PPM1M: variants seen among roughly 807,000 people sequenced by gnomAD.
The protein encoded by PPM1M is protein phosphatase, Mg2+/Mn2+ dependent 1M, also known as protein phosphatase 1M.
A neutral mutation model predicts 50.8 loss-of-function variants in PPM1M; 44 were observed. That is an observed-to-expected ratio of 0.87 (90% CI 0.68 to 1.11). PPM1M has a LOEUF of 1.11. Ranked by LOEUF, PPM1M falls within the 50% of genes most tolerant of loss-of-function variation. The pLI is 0.00. For synonymous variants in PPM1M, 224 were observed against 242.9 expected (o/e 0.92, Z 0.72); for missense variants, 556 against 593.4 (o/e 0.94, Z 0.66).
intron 2 of PPM1M, 52 bp from the exon 3 acceptor site, chr3:52,246,922 G>C (rs1699867042): frequency 3.3e-6 from 5 of 1,521,624 alleles, no homozygotes; most frequent in Non-Finnish European, 4.4e-6. Context: ...GTTGCGTCAG[G>C]GGACAAGTGG....
rs2107315473 is a variant in PPM1M, at chr3:52,246,808, A to G, written c.338A>G (p.Glu113Gly). 1 of 1,412,576 alleles carries G rather than the reference A, an allele frequency of 7.1e-7. No homozygotes were observed. The highest frequency in any genetic ancestry group is 1.4e-5 in the African/African-American group (1 of 69,862). 87.5% of individuals were successfully genotyped at this position (1,412,576 alleles called of 1,614,324 possible). A position where few individuals can be genotyped will look rare whatever the true frequency, so the allele number is the denominator to read the frequency against. ...AEEEWLTLCP[E>G]EFLTGHYWAL... ...GAAGAGTGGCTGACCCTGTGCCCAG[A>G]GGAGGTGAGTGCAGTCTGAGTTCTT... The change falls in exon 2 of 10, where the codon GAG becomes GGG. Residue 113 changes from glutamate (E) to glycine (G), a missense_variant. Glu to Gly is a moderately conservative substitution (Grantham distance 98, BLOSUM62 -2). Coordinates refer to ENST00000323588, the MANE Select transcript of PPM1M (RefSeq NM_144641.4).
chr3:52,247,953 C>T lies in PPM1M; in HGVS notation c.710+159C>T, dbSNP rs141985846. On this transcript the variant is annotated intron_variant, in intron 4 of 9. Coordinates refer to ENST00000323588, the MANE Select transcript of PPM1M (RefSeq NM_144641.4). ...TGTGTCGAGTGTGGACAGTGGCTGC[C>T]GGGGAGGGCAGGGACCTCAAAGGCC... Among the ~76,000 whole-genome samples the T allele has an allele frequency of 3.9e-3, 593 of 152,200 alleles. 4 individuals are homozygous for T. Among genetic ancestry groups the T allele is most frequent in the South Asian group, 0.022 (108 of 4,818 alleles).
intron 1 of PPM1M, 124 bp downstream of exon 1, chr3:52,246,172 T>G (rs1050270153): frequency 1.4e-5 from 14 of 1,019,752 alleles, no homozygotes; most frequent in Non-Finnish European, 1.6e-5. Context: ...AGCCCCTTCT[T>G]GCCCTCACCT....
Position 52,248,256 on chromosome 3 carries a change from A to G in PPM1M, c.795+19A>G. The G allele has an allele frequency of 6.2e-7, 1 of 1,611,340 alleles. No individual in the cohort carries two copies. The highest frequency in any genetic ancestry group is 1.1e-5 in the South Asian group (1 of 90,578). ...GCAGCTGGTAGGTGCCCTTGGCAGC[A>G]TGGAGGCTGTGAAGCTCCAACTCCT... On this transcript the variant is annotated intron_variant, in intron 5 of 9. Transcript: ENST00000323588.
At position 52,246,817 on chromosome 3, in the gene PPM1M, G is replaced by C; in HGVS notation, c.342+5G>C. On this transcript the variant is annotated splice_donor_5th_base_variant and intron_variant, in intron 2 of 9. Transcript: ENST00000323588. ...CTGACCCTGTGCCCAGAGGAGGTGA[G>C]TGCAGTCTGAGTTCTTGGCTGGAAT... 1 of 1,427,690 alleles carries C rather than the reference G, an allele frequency of 7.0e-7. No homozygotes were observed. 88.4% of individuals were successfully genotyped at this position (1,427,690 alleles called of 1,614,324 possible). A position where few individuals can be genotyped will look rare whatever the true frequency, so the allele number is the denominator to read the frequency against.
Position 52,249,565 on chromosome 3 carries a change from A to G in PPM1M, c.1236-105A>G, listed in dbSNP as rs1025311489. 5 of 1,523,368 alleles carry G rather than the reference A, an allele frequency of 3.3e-6. 1 individual carries two copies. The South Asian group carries it at 6.1e-5, about 18-fold the overall frequency. 94.4% of individuals were successfully genotyped at this position (1,523,368 alleles called of 1,614,324 possible). A position where few individuals can be genotyped will look rare whatever the true frequency, so the allele number is the denominator to read the frequency against. On this transcript the variant is annotated intron_variant, in intron 9 of 9. Coordinates refer to ENST00000323588, the MANE Select transcript of PPM1M (RefSeq NM_144641.4). ...CTTGCTTGGTCCACAGTCGGACTGC[A>G]TTGCTTGGGTCCCCATGTCCAGCCT... is the stretch of plus-strand genomic sequence containing the variant.
intron 3 of PPM1M, 135 bp downstream of exon 3, chr3:52,247,363 G>GGTTGGTTGGA: frequency 7.9e-7 from 1 of 1,273,452 alleles, no homozygotes; most frequent in Non-Finnish European, 1.1e-6. Context: ...TGGTTGGATT[G>GGTTGGTTGGA]TTACTAACAG....
chr3:52,245,821 C>G lies in PPM1M; in HGVS notation c.-4C>G, dbSNP rs1409177669. 1.9e-6 allele frequency: 2 copies of G among 1,032,136 alleles called. No individual in the cohort carries two copies. Among genetic ancestry groups the G allele is most frequent in the Admixed American group, 5.4e-5 (1 of 18,680 alleles). 63.9% of individuals were successfully genotyped at this position (1,032,136 alleles called of 1,614,324 possible). A position where few individuals can be genotyped will look rare whatever the true frequency, so the allele number is the denominator to read the frequency against. On this transcript the variant is annotated 5_prime_UTR_variant, in exon 1 of 10. Coordinates refer to ENST00000323588, the MANE Select transcript of PPM1M (RefSeq NM_144641.4). This position sits in a 1 kb window ranked among gnomAD's most constrained non-coding sequence, Gnocchi z 4.8. ...CTCCGCGGGCAGCCCCCTGCCGCCG[C>G]GCCATGTCCGCCGGCTGGTTCCGGC... is the stretch of plus-strand genomic sequence containing the variant.
rs538464980 is a variant in PPM1M at position 52,249,507 on chromosome 3, A to G, written c.1236-163A>G. The G allele has an allele frequency of 1.1e-4, 143 of 1,267,074 alleles. No individual in the cohort carries two copies. In the African/African-American group the frequency reaches 1.8e-3, roughly 16 times the overall value. The allele number at this position is 1,267,074 out of a possible 1,614,324, so 78.5% of individuals were successfully genotyped here. On this transcript the variant is annotated intron_variant, in intron 9 of 9. Coordinates refer to ENST00000323588, the MANE Select transcript of PPM1M (RefSeq NM_144641.4). ...CGAAAATCCCTGGATTTAGACTCTC[A>G]TGGTCCAGCCCGTGGCCCTCCCAGA...
rs1180327725 is a variant in PPM1M at position 52,247,928 on chromosome 3, TGTGTCGA to T, written c.710+139_710+145del. On this transcript the variant is annotated intron_variant, in intron 4 of 9. Coordinates refer to ENST00000323588, the MANE Select transcript of PPM1M (RefSeq NM_144641.4). ...GGCTGAATTGTGTGTGTACTTGTTA[TGTGTCGA>T]GTGTGGACAGTGGCTGCCGGGGAGG... 1.1e-5 allele frequency: 8 copies of T among 744,900 alleles called. No individual in the cohort carries two copies. In the African/African-American group the frequency reaches 1.4e-4, roughly 13 times the overall value. The allele number at this position is 744,900 out of a possible 1,614,324, so 46.1% of individuals were successfully genotyped here. A position where few individuals can be genotyped will look rare whatever the true frequency, so the allele number is the denominator to read the frequency against.
At chr3:52,249,148 G>C in intron 8 of PPM1M, 26 bp from the exon 9 acceptor site, 1 of 1,613,170 alleles carries the variant, frequency 6.2e-7, no homozygotes, top group Non-Finnish European at 8.5e-7. Context: ...AAGGGAGTGT[G>C]CAGGATCCTC....
At chr3:52,246,457 G>A (rs1377975878) in intron 1 of PPM1M, 3 of 791,318 alleles carry the variant, frequency 3.8e-6, no homozygotes, top group Middle Eastern at 5.4e-4. Flanking sequence ...TACCCTTACC[G>A]TCTAGCCCTG....
intron 9 of PPM1M, 170 bp from the exon 10 acceptor site, chr3:52,249,500 G>C (rs923895795): frequency 3.3e-5 from 41 of 1,254,854 alleles, no homozygotes; most frequent in Non-Finnish European, 4.2e-5. Flanking sequence ...CCTGGATTTA[G>C]ACTCTCATGG....
At chr3:52,246,463 C>A in intron 1 of PPM1M, 1 of 741,068 alleles carries the variant, frequency 1.3e-6, no homozygotes, top group Non-Finnish European at 1.9e-6. Context: ...TACCGTCTAG[C>A]CCTGGGTCAC....
In PPM1M at chr3:52,248,166, C is replaced by T. The variant is rs76959863; in HGVS notation, c.724C>T (p.Arg242Trp). ...NAGDSRAILV[R>W]RDEIRPLSFE... ...TCCTCAATCCAGGGCCATCTTGGTG[C>T]GGAGAGATGAGATACGGCCACTGAG... The change falls in exon 5 of 10, where the codon CGG becomes TGG. Residue 242 changes from arginine to tryptophan, a missense_variant. Transcript: ENST00000323588. 3.1e-3 allele frequency: 4,929 copies of T among 1,612,104 alleles called. 18 individuals are homozygous for T. Among genetic ancestry groups the T allele is most frequent in the Non-Finnish European group, 3.8e-3 (4,453 of 1,179,112 alleles).
At chr3:52,247,281 C>G in intron 3 of PPM1M, 53 bp downstream of exon 3, 1 of 1,548,016 alleles carries the variant, frequency 6.5e-7, no homozygotes, top group South Asian at 1.2e-5. Context: ...CCCCGGGGAT[C>G]TCAGGAAATG....
At position 52,246,865 on chromosome 3, in the gene PPM1M, GACCT is replaced by G. The variant is rs1699865754; in HGVS notation, c.342+54_342+57del. 9 of 1,488,690 alleles carry G rather than the reference GACCT, an allele frequency of 6.0e-6. No individual in the cohort carries two copies. The South Asian group carries it at 1.1e-4, about 18-fold the overall frequency. The allele number at this position is 1,488,690 out of a possible 1,614,324, so 92.2% of individuals were successfully genotyped here. A position where few individuals can be genotyped will look rare whatever the true frequency, so the allele number is the denominator to read the frequency against. On this transcript the variant is annotated intron_variant, in intron 2 of 9. Coordinates refer to ENST00000323588, the MANE Select transcript of PPM1M (RefSeq NM_144641.4). ...AATCCCTCCGACAGGCTGGGGCCAC[GACCT>G]GCAGGCTGAGGTTCTTACCCTGCTG...
chr3:52,249,133 T>G, intron 8 of PPM1M, 41 bp from the exon 9 acceptor site: 1 of 1,610,816 alleles, frequency 6.2e-7, no homozygotes, highest in Non-Finnish European at 8.5e-7. Flanking sequence ...CTGGTGGGAG[T>G]CGGGAAGGGA....
chr3:52,249,458 A>AG, intron 9 of PPM1M, 136 bp downstream of exon 9: 3 of 1,317,252 alleles, frequency 2.3e-6, no homozygotes, highest in Non-Finnish European at 3.2e-6. Flanking sequence ...AGCTTCTTGG[A>AG]GGAGGCAGGG....
Sources: gnomAD v4.1 joint callset for allele counts (sites outside exome capture counted in the v4.1 genomes callset) on GRCh38, gnomAD v4.1.1 for gene constraint, Gnocchi (gnomAD v3.1) non-coding constraint, MANE v1.5 for transcripts, NCBI Gene and HGNC (gene_info 2026-07-23, HGNC 2026-07-21) for gene names.